LRRC4C: variants seen among roughly 807,000 people sequenced by gnomAD.
LRRC4C encodes the protein leucine-rich repeat-containing protein 4C.
Under a neutral mutation model 33.6 loss-of-function variants are expected in LRRC4C, and 5 were observed. The observed-to-expected ratio is 0.15, with a 90% CI of 0.08 to 0.31. The LOEUF (loss-of-function observed/expected upper bound fraction) is 0.31. LRRC4C is among the 10% of genes least tolerant of loss of function. The pLI is 1.00. For missense variants in LRRC4C, 560 were observed against 796.7 expected (o/e 0.70, Z 3.58); for synonymous variants, 329 against 302.0 (o/e 1.09, Z -0.93).
At chr11:40,385,891 T>TAAATAAATAAAA (rs761529340) in intron 3 of LRRC4C, among the ~76,000 whole-genome samples, 49 of 138,826 alleles carry the variant, frequency 3.5e-4, no homozygotes, top group African/African-American at 1.3e-3. Flanking sequence ...AATAAATAAA[T>TAAATAAATAAAA]AAAATAAAAT....
At chr11:40,395,737 T>C (rs1590598760) in intron 3 of LRRC4C, among the ~76,000 whole-genome samples, 1 of 152,078 alleles carries the variant, frequency 6.6e-6, no homozygotes, top group Non-Finnish European at 1.5e-5. Flanking sequence ...CTGTAATCCC[T>C]ACACTTTGGG....
chr11:41,436,023 G>A (rs754669182), intron 1 of LRRC4C, among the ~76,000 whole-genome samples: 2 of 152,136 alleles, frequency 1.3e-5, no homozygotes, highest in Non-Finnish European at 2.9e-5. Flanking sequence ...GGCCAATATG[G>A]TGAAACCTTG....
chr11:40,145,553 C>A (rs150807266), intron 5 of LRRC4C, among the ~76,000 whole-genome samples: 3 of 152,218 alleles, frequency 2.0e-5, no homozygotes, highest in Middle Eastern at 3.4e-3. Flanking sequence ...TATAAAGGGA[C>A]CTTATCTATT....
At chr11:41,320,791 CTCATAGTGTGAG>C (rs1950934860) in intron 1 of LRRC4C, among the ~76,000 whole-genome samples, 1 of 152,124 alleles carries the variant, frequency 6.6e-6, no homozygotes, top group Non-Finnish European at 1.5e-5. Context: ...GGAGCTCACA[CTCATAGTGTGAG>C]ATGTCTGTCT....
At chr11:40,968,270 A>G (rs1207943522) in intron 1 of LRRC4C, among the ~76,000 whole-genome samples, 1 of 152,138 alleles carries the variant, frequency 6.6e-6, no homozygotes, top group Non-Finnish European at 1.5e-5. Context: ...GAAGCTGCAG[A>G]AGAAAAATAG....
chr11:40,330,862 A>C (rs1004957194), intron 3 of LRRC4C, among the ~76,000 whole-genome samples: 1 of 152,142 alleles, frequency 6.6e-6, no homozygotes, highest in Admixed American at 6.5e-5. Flanking sequence ...TCTTCTAGTT[A>C]TTTGAAAATA....
intron 2 of LRRC4C, among the ~76,000 whole-genome samples, chr11:40,879,506 G>A (rs934285164): frequency 2.6e-5 from 4 of 152,168 alleles, no homozygotes; most frequent in Admixed American, 2.6e-4. Context: ...GGAAAACAGA[G>A]GGGAAGTCTG....
intron 4 of LRRC4C, among the ~76,000 whole-genome samples, chr11:40,307,885 G>T (rs1385154254): frequency 3.3e-5 from 5 of 152,156 alleles, no homozygotes; most frequent in African/African-American, 1.2e-4. Context: ...AGCCAATAGA[G>T]GTTTATTGTT....
intron 2 of LRRC4C, among the ~76,000 whole-genome samples, chr11:40,854,077 T>A (rs1953649099): frequency 6.6e-6 from 1 of 152,134 alleles, no homozygotes; most frequent in Non-Finnish European, 1.5e-5. Flanking sequence ...AAAGAATGTA[T>A]CTCAAATGCC....
chr11:40,612,870 C>T (rs1472801684), intron 3 of LRRC4C, among the ~76,000 whole-genome samples: 1 of 151,802 alleles, frequency 6.6e-6, no homozygotes, highest in Non-Finnish European at 1.5e-5. Context: ...GAGAATCACA[C>T]AATTTTGTTT....
At chr11:40,430,050 C>T (rs1428003155) in intron 3 of LRRC4C, among the ~76,000 whole-genome samples, 1 of 152,202 alleles carries the variant, frequency 6.6e-6, no homozygotes, top group African/African-American at 2.4e-5. Flanking sequence ...ACAAAGCTTG[C>T]TACCACCTCC....
intron 1 of LRRC4C, among the ~76,000 whole-genome samples, chr11:41,073,333 G>GT (rs36092820): frequency 0.24 from 36,072 of 151,792 alleles, 4,540 homozygotes; most frequent in Admixed American, 0.33. Flanking sequence ...AAAGTGAGGG[G>GT]TTTTTTTAAC....
At chr11:40,693,073 G>A (rs1369840816) in intron 2 of LRRC4C, among the ~76,000 whole-genome samples, 1 of 151,992 alleles carries the variant, frequency 6.6e-6, no homozygotes, top group Admixed American at 6.6e-5. Flanking sequence ...ATACACTGTA[G>A]CAGATTTTTA....
intron 3 of LRRC4C, among the ~76,000 whole-genome samples, chr11:40,557,009 G>A (rs1356950080): frequency 2.0e-5 from 3 of 151,886 alleles, no homozygotes; most frequent in Non-Finnish European, 2.9e-5. Flanking sequence ...TTTTCCATCT[G>A]TAAAAACAAA....
rs1048277863 is a variant in LRRC4C, at chr11:40,663,577, G to T, written c.-406-15299C>A. On this transcript the variant is annotated intron_variant, in intron 2 of 6. Transcript: ENST00000528697. The stretch of plus-strand genomic sequence containing the variant: ...ATACACAGGTCTGAAAAAATGGTGG[G>T]GGAAGAACTTCCAGGTGTGAGAAAT... Among the ~76,000 whole-genome samples, 4 of 152,094 alleles carry T rather than the reference G, an allele frequency of 2.6e-5. No homozygotes were observed. The South Asian group carries it at 6.2e-4, about 24-fold the overall frequency.
chr11:40,379,870 T>C (rs927876393), intron 3 of LRRC4C, among the ~76,000 whole-genome samples: 3 of 152,172 alleles, frequency 2.0e-5, no homozygotes, highest in Non-Finnish European at 4.4e-5. Context: ...GAAATACAAA[T>C]TCATGGGCCC....
At position 41,459,263 on chromosome 11, in the gene LRRC4C, C is replaced by T. The variant is rs544656482; in HGVS notation, c.-496+168G>A. Among the ~76,000 whole-genome samples the T allele has an allele frequency of 1.3e-4, 20 of 152,116 alleles. No homozygotes were observed. In the Middle Eastern group the frequency reaches 0.01, roughly 78 times the overall value. ...GGATGGTTATACAAATGGAAATAAC[C>T]TCCTTGGCATAAAAAATAGCCCCAA... On this transcript the variant is annotated intron_variant, in intron 1 of 6. Transcript: ENST00000528697.
chr11:40,343,111 A>G (rs1263761942), intron 3 of LRRC4C, among the ~76,000 whole-genome samples: 1 of 152,084 alleles, frequency 6.6e-6, no homozygotes, highest in East Asian at 1.9e-4. Context: ...ATACTACACA[A>G]TTGAAGAAAT....
chr11:41,448,689 T>C (rs1345781019), intron 1 of LRRC4C, among the ~76,000 whole-genome samples: 1 of 152,212 alleles, frequency 6.6e-6, no homozygotes, highest in Non-Finnish European at 1.5e-5. Flanking sequence ...AAAGGTATTA[T>C]ACATATTTTT....
Sources: gnomAD v4.1 joint callset for allele counts (sites outside exome capture counted in the v4.1 genomes callset) on GRCh38, gnomAD v4.1.1 for gene constraint, MANE v1.5 for transcripts, NCBI Gene and HGNC (gene_info 2026-07-23, HGNC 2026-07-21) for gene names.